The following CSMD1 variants were observed in gnomAD, a reference collection of about 807,000 sequenced individuals.
CSMD1 encodes CUB and sushi domain-containing protein 1.
In CSMD1, 213 loss-of-function variants were observed where a neutral mutation model predicts 417.5. The observed-to-expected ratio is 0.51, with a 90% CI of 0.46 to 0.57. The LOEUF is 0.57. Ranked by LOEUF, CSMD1 falls within the 20% of genes least tolerant of loss-of-function variation. The pLI is 0.00. For missense variants in CSMD1, 6,923 were observed against 4,529.7 expected (o/e 1.53, Z -15.17); for synonymous variants, 2,862 against 1,736.8 (o/e 1.65, Z -16.11).
chr8:3,609,297 C>G (rs1801774096), intron 8 of CSMD1, among the ~76,000 whole-genome samples: 1 of 152,142 alleles, frequency 6.6e-6, no homozygotes, highest in East Asian at 1.9e-4. Context: ...AATCTGAGCT[C>G]CCTCCCTCAG....
chr8:4,597,828 C>T (rs1585308860), intron 2 of CSMD1, among the ~76,000 whole-genome samples: 1 of 152,148 alleles, frequency 6.6e-6, no homozygotes, highest in African/African-American at 2.4e-5. Context: ...GATGAGCCTG[C>T]TTGTCCCCCA....
intron 11 of CSMD1, among the ~76,000 whole-genome samples, chr8:3,490,116 G>C (rs1342688551): frequency 6.6e-6 from 1 of 152,178 alleles, no homozygotes; most frequent in African/African-American, 2.4e-5. Flanking sequence ...GATTCTCTGT[G>C]TTCGGTTATT....
At chr8:4,063,208 T>G (rs1478966783) in intron 3 of CSMD1, among the ~76,000 whole-genome samples, 2 of 152,148 alleles carry the variant, frequency 1.3e-5, no homozygotes, top group Admixed American at 1.3e-4. Flanking sequence ...GATTTGATCA[T>G]GAGACTTTGT....
chr8:4,493,556 C>G (rs1801830744), intron 2 of CSMD1, among the ~76,000 whole-genome samples: 1 of 151,998 alleles, frequency 6.6e-6, no homozygotes, highest in African/African-American at 2.4e-5. Context: ...AAACATTAGC[C>G]AGGCAATGGG....
At chr8:3,032,129 A>G (rs58067818) in intron 50 of CSMD1, among the ~76,000 whole-genome samples, 44,111 of 151,728 alleles carry the variant, frequency 0.29, 6,612 homozygotes, top group East Asian at 0.33. Context: ...ACTGCAATAA[A>G]TATTAATATT....
intron 2 of CSMD1, among the ~76,000 whole-genome samples, chr8:4,465,026 T>C (rs1484448997): frequency 2.0e-5 from 3 of 151,738 alleles, no homozygotes; most frequent in Admixed American, 1.3e-4. Context: ...AGGAAGAAAA[T>C]AGGAAAAAAG....
At chr8:4,691,781 T>G (rs979563114) in intron 1 of CSMD1, among the ~76,000 whole-genome samples, 3 of 152,218 alleles carry the variant, frequency 2.0e-5, no homozygotes, top group Non-Finnish European at 2.9e-5. Flanking sequence ...TGCTAAATTT[T>G]AACCTTTAAA....
At chr8:4,838,391 G>C (rs574125433) in intron 1 of CSMD1, among the ~76,000 whole-genome samples, 4 of 152,250 alleles carry the variant, frequency 2.6e-5, no homozygotes, top group African/African-American at 9.6e-5. Flanking sequence ...ATAAATAGAA[G>C]ATTGCAACCT....
At chr8:3,829,445 T>A (rs530028972) in intron 5 of CSMD1, among the ~76,000 whole-genome samples, 2 of 152,082 alleles carry the variant, frequency 1.3e-5, no homozygotes, top group Non-Finnish European at 2.9e-5. Context: ...TCCACATGAA[T>A]TCAGGTTATC....
intron 2 of CSMD1, among the ~76,000 whole-genome samples, chr8:4,502,207 T>C (rs1802292797): frequency 6.6e-6 from 1 of 152,118 alleles, no homozygotes; most frequent in South Asian, 2.1e-4. Context: ...ATTTTTTTTT[T>C]ACTATTGCAG....
At chr8:3,928,284 C>G (rs982163186) in intron 5 of CSMD1, among the ~76,000 whole-genome samples, 1 of 152,138 alleles carries the variant, frequency 6.6e-6, no homozygotes, top group Non-Finnish European at 1.5e-5. Flanking sequence ...ATAAATGTTA[C>G]ATTGATTATT....
At chr8:3,913,866 T>C (rs1385454673) in intron 5 of CSMD1, among the ~76,000 whole-genome samples, 1 of 151,866 alleles carries the variant, frequency 6.6e-6, no homozygotes, top group Non-Finnish European at 1.5e-5. Flanking sequence ...TGTGTGTATA[T>C]ATAATTTATG....
intron 11 of CSMD1, among the ~76,000 whole-genome samples, chr8:3,491,424 G>A (rs2117291684): frequency 6.6e-6 from 1 of 152,246 alleles, no homozygotes; most frequent in Non-Finnish European, 1.5e-5. Flanking sequence ...CACAGTGCAT[G>A]GTGCGTAAAA....
intron 1 of CSMD1, among the ~76,000 whole-genome samples, chr8:4,648,369 C>T (rs546463649): frequency 9.9e-5 from 15 of 152,198 alleles, no homozygotes; most frequent in South Asian, 4.1e-4. Context: ...CTGTGATCTA[C>T]GGGATTGTCT....
chr8:4,023,650 G>C (rs1187748255), intron 4 of CSMD1, among the ~76,000 whole-genome samples: 5 of 148,380 alleles, frequency 3.4e-5, no homozygotes, highest in African/African-American at 1.0e-4. Flanking sequence ...GCAGTGGCGC[G>C]ATCTCGGCTC....
rs767432045 is a variant in CSMD1, at chr8:4,419,963, T to C, written c.405A>G (p.Ala135=). 5.1e-6 allele frequency: 8 copies of C among 1,574,944 alleles called. No homozygotes were observed. In the East Asian group the frequency reaches 1.4e-4, roughly 27 times the overall value. ...CAACCAATCTCCTACCTTCATATAA[T>C]GCTTTGAAACCTTGGGCACTCACAG... ...DFAVSAQGFK[A]LYEVLPSHTC... The change falls in exon 3 of 70, where the codon GCA becomes GCG. Residue 135 remains alanine (A), a synonymous_variant. Coordinates refer to ENST00000635120, the MANE Select transcript of CSMD1 (RefSeq NM_033225.6).
At chr8:3,896,406 C>T (rs1240333709) in intron 5 of CSMD1, among the ~76,000 whole-genome samples, 1 of 152,166 alleles carries the variant, frequency 6.6e-6, no homozygotes, top group African/African-American at 2.4e-5. Context: ...TTAATCTTCA[C>T]ATGGAAAATG....
chr8:3,527,018 C>A (rs913485385), intron 10 of CSMD1, among the ~76,000 whole-genome samples: 7 of 152,028 alleles, frequency 4.6e-5, no homozygotes, highest in Non-Finnish European at 7.4e-5. Context: ...TCTCCCTACT[C>A]AGAATGTGGC....
intron 3 of CSMD1, among the ~76,000 whole-genome samples, chr8:4,317,783 T>A (rs940145690): frequency 6.6e-6 from 1 of 152,192 alleles, no homozygotes; most frequent in Non-Finnish European, 1.5e-5. Flanking sequence ...AGTTTTCTTT[T>A]ATATAGTAAA....
Sources: gnomAD v4.1 joint callset for allele counts (sites outside exome capture counted in the v4.1 genomes callset) on GRCh38, gnomAD v4.1.1 for gene constraint, MANE v1.5 for transcripts, NCBI Gene and HGNC (gene_info 2026-07-23, HGNC 2026-07-21) for gene names.